The following ANKRD40 variants were observed in gnomAD, a reference collection of about 807,000 sequenced individuals.
The protein encoded by ANKRD40 is ankyrin repeat domain-containing protein 40.
In ANKRD40, 24 loss-of-function variants were observed where a neutral mutation model predicts 35.5. The observed-to-expected ratio is 0.68, with a 90% CI of 0.49 to 0.95. The LOEUF is 0.95. Among genes scored for constraint, ANKRD40 ranks in the 40% least tolerant of loss-of-function variants. The pLI, the probability that ANKRD40 is intolerant of heterozygous loss-of-function variation, is 0.00. For synonymous variants in ANKRD40, 147 were observed against 173.5 expected (o/e 0.85, Z 1.20); for missense variants, 361 against 436.0 (o/e 0.83, Z 1.53).
At chr17:50,699,019 C>T (rs1205523623) in intron 3 of ANKRD40, among the ~76,000 whole-genome samples, 4 of 147,920 alleles carry the variant, frequency 2.7e-5, no homozygotes, top group Admixed American at 2.0e-4. Flanking sequence ...ATTAGCCAGG[C>T]GTGGTGGCAT....
intron 1 of ANKRD40, among the ~76,000 whole-genome samples, chr17:50,706,330 CA>C (rs922671249): frequency 2.0e-5 from 3 of 151,800 alleles, no homozygotes; most frequent in Admixed American, 6.6e-5. Context: ...TCATGTTGGC[CA>C]GGATGGTCTT....
At chr17:50,705,042 A>G (rs1968315449) in intron 1 of ANKRD40, among the ~76,000 whole-genome samples, 1 of 147,802 alleles carries the variant, frequency 6.8e-6, no homozygotes, top group African/African-American at 2.5e-5. Flanking sequence ...TGAACCCAGG[A>G]GGCAGAGCTT....
chr17:50,699,672 G>T lies in ANKRD40; in HGVS notation c.505C>A (p.Pro169Thr), dbSNP rs1478125057. The T allele has an allele frequency of 3.4e-5, 55 of 1,614,068 alleles. No individual in the cohort carries two copies. The highest frequency in any genetic ancestry group is 4.7e-5 in the Non-Finnish European group (55 of 1,180,050). The stretch of plus-strand genomic sequence containing the variant: ...CGGGGAAAGGTCCCTAACAGGGGAG[G>T]TTCCCCAGGGGGAAGCAATGGAGGT... ...GSPPLLPPGE[P>T]PLLGTFPRDH... Residue 169 changes from proline (P) to threonine (T), a missense_variant, in exon 3 of 5, where the codon CCT (proline) becomes ACT (threonine). By Grantham distance (38) the Pro-to-Thr change is conservative. This residue lies in a region of ANKRD40 where 172 missense variants were observed against 174.0 expected (regional missense o/e 0.99). Transcript: ENST00000285243.
In ANKRD40 at chr17:50,699,537, T is replaced by G; in HGVS notation, c.640A>C (p.Ser214Arg). 6.2e-7 allele frequency: 1 copy of G among 1,614,188 alleles called. No individual in the cohort carries two copies. The highest frequency in any genetic ancestry group is 1.1e-5 in the South Asian group (1 of 91,086). The stretch of plus-strand genomic sequence containing the variant: ...GAAGAAAACAGGGAGCGGCTCTGAC[T>G]CACTGGTGGCTGACAAACAGGACCC... ...KPGPVCQPPV[S>R]QSRSLFSSVP... The change falls in exon 3 of 5, where the codon AGT (serine) becomes CGT (arginine). Residue 214 changes from serine (S) to arginine (R), a missense_variant. This residue lies in a region of ANKRD40 where 172 missense variants were observed against 174.0 expected (regional missense o/e 0.99). Coordinates refer to ENST00000285243, the MANE Select transcript of ANKRD40 (RefSeq NM_052855.4).
At chr17:50,699,105 G>A (rs1968233903) in intron 3 of ANKRD40, among the ~76,000 whole-genome samples, 1 of 152,020 alleles carries the variant, frequency 6.6e-6, no homozygotes, top group South Asian at 2.1e-4. Flanking sequence ...GTTGCAGTGA[G>A]CCAAGATCAC....
At chr17:50,703,161 GT>G in intron 1 of ANKRD40, among the ~76,000 whole-genome samples, 1 of 152,154 alleles carries the variant, frequency 6.6e-6, no homozygotes, top group Admixed American at 6.5e-5. Context: ...AAGAGAGTAC[GT>G]TTTTTTGAGG....
In ANKRD40 at chr17:50,694,074, G is replaced by A. The variant is rs769127888; in HGVS notation, c.*1923C>T. On this transcript the variant is annotated 3_prime_UTR_variant, in exon 5 of 5. Coordinates refer to ENST00000285243, the MANE Select transcript of ANKRD40 (RefSeq NM_052855.4). ...GAACCCGGGAGGCAGAGGTTTCAGT[G>A]AGCTGAGATTATGCCACTGCACTTC... The A allele has an allele frequency of 5.2e-5, 7 of 133,914 alleles. No individual in the cohort carries two copies. The highest frequency in any genetic ancestry group is 1.1e-4 in the Non-Finnish European group (7 of 64,882). 8.3% of individuals were successfully genotyped at this position (133,914 alleles called of 1,614,324 possible).
intron 1 of ANKRD40, among the ~76,000 whole-genome samples, chr17:50,705,193 A>G (rs1968318311): frequency 6.6e-6 from 1 of 151,726 alleles, no homozygotes; most frequent in South Asian, 2.1e-4. Flanking sequence ...TTAGCTATTT[A>G]TGCTTCATCT....
At position 50,693,766 on chromosome 17, in the gene ANKRD40, CTG is replaced by C. The variant is rs1279743516; in HGVS notation, c.*2229_*2230del. ...AACCAGACTTAACTTTATTAGTAAA[CTG>C]TAACTGTTTTAGAAGTAAAGAAAAA... On this transcript the variant is annotated 3_prime_UTR_variant, in exon 5 of 5. Coordinates refer to ENST00000285243, the MANE Select transcript of ANKRD40 (RefSeq NM_052855.4). The C allele has an allele frequency of 2.0e-5, 3 of 152,192 alleles. No homozygotes were observed. The highest frequency in any genetic ancestry group is 4.4e-5 in the Non-Finnish European group (3 of 68,026). 9.4% of individuals were successfully genotyped at this position (152,192 alleles called of 1,614,324 possible).
rs764483467 is a variant in ANKRD40, at chr17:50,699,662, A to G, written c.515T>C (p.Leu172Ser). 1.5e-5 allele frequency: 25 copies of G among 1,614,064 alleles called. No homozygotes were observed. Among genetic ancestry groups the G allele is most frequent in the Non-Finnish European group, 2.1e-5 (25 of 1,180,038 alleles). Residue 172 changes from leucine to serine, a missense_variant, in exon 3 of 5, where the codon TTA (leucine) becomes TCA (serine). By Grantham distance (145) the Leu-to-Ser change is moderately radical (BLOSUM62 -2). Coordinates refer to ENST00000285243, the MANE Select transcript of ANKRD40 (RefSeq NM_052855.4). ...PLLPPGEPPLLGTFPRDHTSL... is the reference protein window; with the variant it reads ...PLLPPGEPPLSGTFPRDHTSL... ...GGTGTGGTCCCGGGGAAAGGTCCCT[A>G]ACAGGGGAGGTTCCCCAGGGGGAAG...
At chr17:50,701,621 C>T (rs984958348) in intron 1 of ANKRD40, among the ~76,000 whole-genome samples, 1 of 152,166 alleles carries the variant, frequency 6.6e-6, no homozygotes, top group African/African-American at 2.4e-5. Context: ...TCCCTAGGTG[C>T]CAGAGCTGAC....
At chr17:50,697,321 G>A (rs1317279570) in intron 3 of ANKRD40, among the ~76,000 whole-genome samples, 200 bp from the exon 4 acceptor site, 2 of 152,208 alleles carry the variant, frequency 1.3e-5, no homozygotes, top group Non-Finnish European at 2.9e-5. Flanking sequence ...GCAGTTTCCT[G>A]CACTGTCGTC....
rs1267647628 is a variant in ANKRD40 at position 50,695,778 on chromosome 17, T to A, written c.*219A>T. 1 of 476,474 alleles carries A rather than the reference T, an allele frequency of 2.1e-6. No homozygotes were observed. Among genetic ancestry groups the A allele is most frequent in the Non-Finnish European group, 3.7e-6 (1 of 272,494 alleles). 29.5% of individuals were successfully genotyped at this position (476,474 alleles called of 1,614,324 possible). A position where few individuals can be genotyped will look rare whatever the true frequency, so the allele number is the denominator to read the frequency against. On this transcript the variant is annotated 3_prime_UTR_variant, in exon 5 of 5. Coordinates refer to ENST00000285243, the MANE Select transcript of ANKRD40 (RefSeq NM_052855.4). ...AGACCACTTCTCAGCTGTTCAAAGC[T>A]TCAAGCAATAGGTTTACTGTGCACC...
chr17:50,696,190 CAT>C (rs1222375140), intron 4 of ANKRD40, 47 bp from the exon 5 acceptor site: 1 of 1,590,392 alleles, frequency 6.3e-7, no homozygotes, highest in Non-Finnish European at 8.6e-7. Context: ...CACTTGTCTC[CAT>C]ATGTTTGGTG....
At position 50,699,643 on chromosome 17, in the gene ANKRD40, G is replaced by A; in HGVS notation, c.534C>T (p.Asp178=). ...EPPLLGTFPR[D]HTSLALVQNG... ...TCTGAACTAGTGCCAAAGAGGTGTG[G>A]TCCCGGGGAAAGGTCCCTAACAGGG... The change falls in exon 3 of 5, where the codon GAC becomes GAT. Residue 178 remains aspartate, a synonymous_variant. Coordinates refer to ENST00000285243, the MANE Select transcript of ANKRD40 (RefSeq NM_052855.4). 1 of 1,614,208 alleles carries A rather than the reference G, an allele frequency of 6.2e-7. No individual in the cohort carries two copies. The highest frequency in any genetic ancestry group is 8.5e-7 in the Non-Finnish European group (1 of 1,180,044).
At chr17:50,700,985 G>T in intron 1 of ANKRD40, 1 of 318,784 alleles carries the variant, frequency 3.1e-6, no homozygotes. Context: ...AAGCTCACTG[G>T]CTGGCTAACT....
At chr17:50,696,756 C>CA (rs56236009) in intron 4 of ANKRD40, 184 bp downstream of exon 4, 145,820 of 326,118 alleles carry the variant, frequency 0.45, 20,545 homozygotes, top group African/African-American at 0.58. Flanking sequence ...CTTGACTTGC[C>CA]AAAAAAAAAA....
chr17:50,694,004 C>T lies in ANKRD40; in HGVS notation c.*1993G>A, dbSNP rs1273245033. ...AATTAGCTGGGCATGGTGGCACATG[C>T]TTGTAATCCCAGCTACTTGGGAGGC... is the stretch of plus-strand genomic sequence containing the variant. On this transcript the variant is annotated 3_prime_UTR_variant, in exon 5 of 5. Transcript: ENST00000285243. 6.6e-6 allele frequency: 1 copy of T among 151,880 alleles called. No homozygotes were observed. Among genetic ancestry groups the T allele is most frequent in the Admixed American group, 6.6e-5 (1 of 15,222 alleles). 9.4% of individuals were successfully genotyped at this position (151,880 alleles called of 1,614,324 possible). A position where few individuals can be genotyped will look rare whatever the true frequency, so the allele number is the denominator to read the frequency against.
At chr17:50,696,540 C>T (rs541121653) in intron 4 of ANKRD40, 2 of 224,690 alleles carry the variant, frequency 8.9e-6, no homozygotes, top group Admixed American at 1.0e-4. Flanking sequence ...TCTAGTAGTG[C>T]ACTAAGTTAA....
Sources: gnomAD v4.1 joint callset for allele counts (sites outside exome capture counted in the v4.1 genomes callset) on GRCh38, gnomAD v4.1.1 for gene constraint, gnomAD v4.1.1 regional missense constraint, MANE v1.5 for transcripts, NCBI Gene and HGNC (gene_info 2026-07-23, HGNC 2026-07-21) for gene names.